CPNE5: variants seen among roughly 807,000 people sequenced by gnomAD.
CPNE5 encodes copine-5.
A neutral mutation model predicts 81.1 loss-of-function variants in CPNE5; 42 were observed. The observed-to-expected ratio is 0.52, with a 90% CI of 0.40 to 0.67. The LOEUF is 0.67. Among genes scored for constraint, CPNE5 ranks in the 30% least tolerant of loss-of-function variants. The pLI, the probability that CPNE5 is intolerant of heterozygous loss-of-function variation, is 0.00. For synonymous variants in CPNE5, 313 were observed against 321.5 expected (o/e 0.97, Z 0.28); for missense variants, 612 against 815.5 (o/e 0.75, Z 3.04).
intron 3 of CPNE5, among the ~76,000 whole-genome samples, chr6:36,806,505 G>A (rs1174359187): frequency 1.3e-5 from 2 of 152,098 alleles, no homozygotes; most frequent in African/African-American, 2.4e-5. Flanking sequence ...AAGCCTGGGT[G>A]GTCACAGCTC....
At chr6:36,782,834 CACACACA>C (rs1433748096) in intron 8 of CPNE5, among the ~76,000 whole-genome samples, 2 of 148,992 alleles carry the variant, frequency 1.3e-5, no homozygotes, top group African/African-American at 4.9e-5. Flanking sequence ...CACACACACA[CACACACA>C]CACACACACA....
chr6:36,747,273 G>A (rs1337014281), intron 15 of CPNE5, among the ~76,000 whole-genome samples: 1 of 150,254 alleles, frequency 6.7e-6, no homozygotes, highest in Non-Finnish European at 1.5e-5. Flanking sequence ...AGCCCTCTTC[G>A]CTGCCAATAT....
In CPNE5 at chr6:36,748,968, G is replaced by A. The variant is rs116229446; in HGVS notation, c.972-701C>T. 3.7e-3 allele frequency among the ~76,000 whole-genome samples: 559 copies of A among 152,206 alleles called. 4 individuals carry two copies. The highest frequency in any genetic ancestry group is 0.013 in the African/African-American group (523 of 41,526). Reference sequence around the variant, plus strand: ...AATCTTTTTTTGGAAAAGAGGTCTCGCTCTGTCACCCAGGCTGAAATGCAG... The same window carrying A: ...AATCTTTTTTTGGAAAAGAGGTCTCACTCTGTCACCCAGGCTGAAATGCAG... On this transcript the variant is annotated intron_variant, in intron 14 of 20. Transcript: ENST00000244751.
intron 3 of CPNE5, among the ~76,000 whole-genome samples, chr6:36,817,448 G>A (rs1771646508): frequency 6.6e-6 from 1 of 152,132 alleles, no homozygotes; most frequent in Non-Finnish European, 1.5e-5. Context: ...TCTCATAAAT[G>A]AGGTCAGCCT....
chr6:36,790,066 G>A (rs1383465820), intron 8 of CPNE5, among the ~76,000 whole-genome samples: 1 of 152,140 alleles, frequency 6.6e-6, no homozygotes, highest in Non-Finnish European at 1.5e-5. Context: ...GAACCAAACT[G>A]CCAAGTTTCA....
In CPNE5 at chr6:36,746,476, C is replaced by T. The variant is rs759858103; in HGVS notation, c.1120G>A (p.Asp374Asn). 3 of 1,613,648 alleles carry T rather than the reference C, an allele frequency of 1.9e-6. No individual in the cohort carries two copies. The highest frequency in any genetic ancestry group is 1.1e-5 in the South Asian group (1 of 91,032). Residue 374 changes from aspartate to asparagine, a missense_variant, in exon 16 of 21, where the codon GAC becomes AAC. Physicochemically the swap from Asp to Asn is conservative, Grantham distance 23. Transcript: ENST00000244751. This position sits in a 1 kb window ranked among gnomAD's most constrained non-coding sequence, Gnocchi z 4.5. Reference sequence around the variant, plus strand: ...AGGGCAGGGAACATCTTGTCACTGTCGTAGTGCTGGATGATCTCTCCGACG... The same window carrying T: ...AGGGCAGGGAACATCTTGTCACTGTTGTAGTGCTGGATGATCTCTCCGACG... ...TAVGEIIQHY[D>N]SDKMFPALGF...
At chr6:36,794,462 C>T in intron 7 of CPNE5, 128 bp downstream of exon 7, 1 of 848,110 alleles carries the variant, frequency 1.2e-6, no homozygotes, top group Non-Finnish European at 1.9e-6. Flanking sequence ...ACCCAGGACT[C>T]TCTGTCCCCG....
At chr6:36,752,888 A>C (rs1198686339) in intron 14 of CPNE5, 146 bp downstream of exon 14, 2 of 621,020 alleles carry the variant, frequency 3.2e-6, no homozygotes, top group African/African-American at 1.8e-5. Flanking sequence ...TCTCAGCCCA[A>C]ACACCAGGGT....
chr6:36,823,235 G>C (rs1772217718), intron 1 of CPNE5, 137 bp from the exon 2 acceptor site: 1 of 624,954 alleles, frequency 1.6e-6, no homozygotes, highest in African/African-American at 1.9e-5. Flanking sequence ...TCGTTTATTA[G>C]GCTTCATTAA....
rs1764175778 is a variant in CPNE5 at position 36,746,431 on chromosome 6, G to A, written c.1165C>T (p.Pro389Ser). 5 of 1,613,002 alleles carry A rather than the reference G, an allele frequency of 3.1e-6. No homozygotes were observed. The highest frequency in any genetic ancestry group is 4.2e-6 in the Non-Finnish European group (5 of 1,179,488). ...FPALGFGAKL[P>S]PDGRVSHEFP... ...TCGTGGGACACTCTGCCATCCGGGG[G>A]CAGCTTGGCCCCGAAGCCCAGGGCA... is the stretch of plus-strand genomic sequence containing the variant. Residue 389 changes from proline (P) to serine (S), a missense_variant, in exon 16 of 21, where the codon CCC (proline) becomes TCC (serine). Pro to Ser is a moderately conservative substitution (Grantham distance 74). Transcript: ENST00000244751. The surrounding 1 kb of genome is among the most constrained non-coding windows in gnomAD (Gnocchi z 4.5).
Position 36,788,231 on chromosome 6 carries a change from G to T in CPNE5, c.528+3802C>A, listed in dbSNP as rs924399051. 4.2e-4 allele frequency among the ~76,000 whole-genome samples: 64 copies of T among 151,762 alleles called. 1 individual carries two copies. The highest frequency in any genetic ancestry group is 7.7e-4 in the East Asian group (4 of 5,170). ...AATTTTTTTGTAGAGATGGTCGGGG[G>T]GGGGTCTCACTATGATGTCCAGGCT... On this transcript the variant is annotated intron_variant, in intron 8 of 20. Coordinates refer to ENST00000244751, the MANE Select transcript of CPNE5 (RefSeq NM_020939.2).
intron 20 of CPNE5, 74 bp downstream of exon 20, chr6:36,743,615 A>G: frequency 6.9e-7 from 1 of 1,446,974 alleles, no homozygotes. Context: ...GGAAGCCCCC[A>G]AAGGGGGTGT....
At chr6:36,786,226 C>G (rs901631002) in intron 8 of CPNE5, among the ~76,000 whole-genome samples, 1 of 151,896 alleles carries the variant, frequency 6.6e-6, no homozygotes, top group Admixed American at 6.6e-5. Flanking sequence ...TGAGTAGGGC[C>G]CTCTAGGAGG....
upstream of CPNE5, chr6:36,839,674 G>A (rs1405699674): frequency 2.7e-6 from 1 of 369,356 alleles, no homozygotes; most frequent in Non-Finnish European, 4.9e-6. This position sits in a 1 kb window ranked among gnomAD's most constrained non-coding sequence, Gnocchi z 7.3. Flanking sequence ...AGAGGGGCGC[G>A]GGGAGAGGGG....
At chr6:36,808,003 C>A (rs1770749358) in intron 3 of CPNE5, among the ~76,000 whole-genome samples, 1 of 152,198 alleles carries the variant, frequency 6.6e-6, no homozygotes, top group Non-Finnish European at 1.5e-5. Context: ...AGAGAGGTCG[C>A]CCGCTCAGCC....
Position 36,798,460 on chromosome 6 carries a change from T to C in CPNE5, c.322A>G (p.Lys108Glu). The C allele has an allele frequency of 6.2e-7, 1 of 1,614,124 alleles. No individual in the cohort carries two copies. Among genetic ancestry groups the C allele is most frequent in the African/African-American group, 1.3e-5 (1 of 75,028 alleles). The change falls in exon 5 of 21, where the codon AAA becomes GAA. Residue 108 changes from lysine (K) to glutamate (E), a missense_variant. Transcript: ENST00000244751. ...CAGTTACTGGCAGAACTCACGTGTT[T>C]GGATAAATCAGGACTCTTAGAGTCA... ...DVDSKSPDLS[K>E]HDFLGQAFCT... is the part of the protein sequence containing the mutation.
intron 12 of CPNE5, among the ~76,000 whole-genome samples, chr6:36,756,791 TTGGC>T (rs1765520142): frequency 6.6e-6 from 1 of 152,168 alleles, no homozygotes; most frequent in Non-Finnish European, 1.5e-5. Flanking sequence ...TCCCTCTTAC[TTGGC>T]AGCAAGAACC....
intron 8 of CPNE5, among the ~76,000 whole-genome samples, chr6:36,781,588 C>T (rs764153420): frequency 7.2e-5 from 11 of 152,176 alleles, no homozygotes; most frequent in Non-Finnish European, 1.2e-4. Flanking sequence ...GTTCTAATCC[C>T]GTCCCATGCT....
chr6:36,797,429 G>A (rs1005318881), intron 6 of CPNE5, among the ~76,000 whole-genome samples: 2 of 152,228 alleles, frequency 1.3e-5, no homozygotes, highest in African/African-American at 2.4e-5. Flanking sequence ...GAGGGTGGCC[G>A]TCCAGAGAAA....
Sources: allele counts gnomAD v4.1 joint callset (sites outside exome capture counted in the v4.1 genomes callset), GRCh38; gene constraint gnomAD v4.1.1; non-coding constraint Gnocchi (gnomAD v3.1); transcripts MANE v1.5; gene names NCBI Gene and HGNC (gene_info 2026-07-23, HGNC 2026-07-21).